Variants in TRNT1 observed in about 807,000 individuals in gnomAD.
The protein encoded by TRNT1 is tRNA nucleotidyl transferase 1.
TRNT1 carries 44 observed loss-of-function variants against 45.6 expected under a neutral mutation model. The ratio of observed to expected loss-of-function variants is 0.97; its 90% confidence interval spans 0.76 to 1.24. The LOEUF (loss-of-function observed/expected upper bound fraction) is 1.24. Ranked by LOEUF, TRNT1 falls within the 50% of genes most tolerant of loss-of-function variation. The probability of loss-of-function intolerance (pLI) is 0.00; values close to 1 mark genes in which losing one functional copy is unlikely to be tolerated. For missense variants in TRNT1, 633 were observed against 504.4 expected (o/e 1.25, Z -2.44); for synonymous variants, 201 against 171.4 (o/e 1.17, Z -1.35).
chr3:3,148,263 C>T lies in TRNT1; in HGVS notation c.*109C>T. The T allele has an allele frequency of 8.3e-7, 1 of 1,197,922 alleles. No individual in the cohort carries two copies. The highest frequency in any genetic ancestry group is 1.2e-6 in the Non-Finnish European group (1 of 855,122). 74.2% of individuals were successfully genotyped at this position (1,197,922 alleles called of 1,614,324 possible). ...CCAGAATAAAAGACAGTTTAGGGGA[C>T]CTCTGTAGAACAACAAGGGTCTTAT... On this transcript the variant is annotated 3_prime_UTR_variant, in exon 8 of 8. Coordinates refer to ENST00000251607, the MANE Select transcript of TRNT1 (RefSeq NM_182916.3).
At chr3:3,130,058 T>G (rs1704911830) in intron 2 of TRNT1, 1 of 1,211,734 alleles carries the variant, frequency 8.3e-7, no homozygotes, top group South Asian at 1.4e-5. Flanking sequence ...TGCCACAGTT[T>G]CATTAGTGTT....
At chr3:3,141,064 T>TC (rs907008045) in intron 4 of TRNT1, among the ~76,000 whole-genome samples, 5 of 152,056 alleles carry the variant, frequency 3.3e-5, no homozygotes, top group African/African-American at 1.2e-4. Context: ...AGAGCGAGAC[T>TC]CCATCTCAAA....
rs1448004471 is a variant in TRNT1 at position 3,137,379 on chromosome 3, AAGG to A, written c.271_273del (p.Glu91del). Reference sequence around the variant, plus strand: ...CACCACTGCTACCCCTACTCAAATGAAGGAGATGTTTCAGTCGGCTGGGATTCG... The same window carrying A: ...CACCACTGCTACCCCTACTCAAATGAAGATGTTTCAGTCGGCTGGGATTCG... On this transcript the variant is annotated inframe_deletion, in exon 3 of 8. Transcript: ENST00000251607. The A allele has an allele frequency of 6.2e-7, 1 of 1,613,958 alleles. No individual in the cohort carries two copies. The highest frequency in any genetic ancestry group is 8.5e-7 in the Non-Finnish European group (1 of 1,179,902).
chr3:3,128,820 G>A (rs1168025820), intron 1 of TRNT1, among the ~76,000 whole-genome samples, 194 bp from the exon 2 acceptor site: 2 of 152,094 alleles, frequency 1.3e-5, no homozygotes, highest in Non-Finnish European at 2.9e-5. Flanking sequence ...GCCACAGTAA[G>A]TGCTTCTGGA....
downstream of TRNT1, chr3:3,151,178 T>C: frequency 2.2e-6 from 2 of 918,004 alleles, no homozygotes; most frequent in Non-Finnish European, 3.3e-6. Context: ...ATTTGATCCA[T>C]ACAGTTCCCT....
chr3:3,144,553 T>G (rs768413630), intron 4 of TRNT1, 31 bp from the exon 5 acceptor site: 5 of 1,560,146 alleles, frequency 3.2e-6, no homozygotes, highest in Non-Finnish European at 4.4e-6. Flanking sequence ...TTGCCAATAG[T>G]GATTTTTCTC....
At chr3:3,150,429 T>C (rs1706439108), downstream of TRNT1, 1 of 158,410 alleles carries the variant, frequency 6.3e-6, no homozygotes, top group Admixed American at 6.2e-5. Flanking sequence ...TCACCCTAGC[T>C]TTTGTTATTT....
intron 4 of TRNT1, among the ~76,000 whole-genome samples, chr3:3,141,331 A>C (rs1705639167): frequency 6.6e-6 from 1 of 152,158 alleles, no homozygotes. Flanking sequence ...TACATACTCC[A>C]CACACATCTA....
intron 5 of TRNT1, among the ~76,000 whole-genome samples, chr3:3,146,061 T>C (rs1203210647): frequency 1.3e-5 from 2 of 151,004 alleles, no homozygotes; most frequent in Admixed American, 6.7e-5. Flanking sequence ...TTTGGTTTGC[T>C]GCCTTTACAA....
At chr3:3,128,583 A>T (rs1704756673) in intron 1 of TRNT1, among the ~76,000 whole-genome samples, 1 of 131,496 alleles carries the variant, frequency 7.6e-6, no homozygotes, top group African/African-American at 3.0e-5. Flanking sequence ...TGAGCGACAG[A>T]GCGAGACTCC....
At chr3:3,149,660 GTAAAAGTAGACC>G (rs1706344477), downstream of TRNT1, 1 of 151,386 alleles carries the variant, frequency 6.6e-6, no homozygotes, top group African/African-American at 2.4e-5. Flanking sequence ...TATTAAAGTA[GTAAAAGTAGACC>G]TTAGAAAAAA....
intron 6 of TRNT1, 53 bp downstream of exon 6, chr3:3,146,676 C>CAGAAAA: frequency 2.8e-6 from 4 of 1,441,968 alleles, no homozygotes; most frequent in Middle Eastern, 1.8e-4. Flanking sequence ...TATCTGGTTT[C>CAGAAAA]AAATTTCATA....
In TRNT1 at chr3:3,146,475, G is replaced by C; in HGVS notation, c.654G>C (p.Glu218Asp). Residue 218 changes from glutamate (E) to aspartate (D), a missense_variant, in exon 6 of 8, where the codon GAG (glutamate) becomes GAC (aspartate). Coordinates refer to ENST00000251607, the MANE Select transcript of TRNT1 (RefSeq NM_182916.3). Reference sequence around the variant, plus strand: ...ACAAACCTGGTGACCATGATCCTGAGACTTTGGAAGCAATTGCAGAAAATG... The same window carrying C: ...ACAAACCTGGTGACCATGATCCTGACACTTTGGAAGCAATTGCAGAAAATG... ...IVDKPGDHDP[E>D]TLEAIAENAK... 1 of 1,613,938 alleles carries C rather than the reference G, an allele frequency of 6.2e-7. No homozygotes were observed. Among genetic ancestry groups the C allele is most frequent in the Non-Finnish European group, 8.5e-7 (1 of 1,179,942 alleles).
At position 3,148,085 on chromosome 3, in the gene TRNT1, A is replaced by G. The variant is rs1006625149; in HGVS notation, c.1236A>G (p.Arg412=). 2.5e-6 allele frequency: 4 copies of G among 1,613,838 alleles called. No homozygotes were observed. Among genetic ancestry groups the G allele is most frequent in the African/African-American group, 2.7e-5 (2 of 74,930 alleles). The part of the protein sequence containing the change: ...KEIGALLQQL[R]EQWKKSGYQM... Reference sequence around the variant, plus strand: ...TTGGGGCTCTATTACAACAGTTGCGAGAACAGTGGAAAAAAAGTGGTTACC... The same window carrying G: ...TTGGGGCTCTATTACAACAGTTGCGGGAACAGTGGAAAAAAAGTGGTTACC... The change falls in exon 8 of 8, where the codon CGA becomes CGG. Residue 412 remains arginine (R), a synonymous_variant. Transcript: ENST00000251607.
At chr3:3,146,666 T>C in intron 6 of TRNT1, 43 bp downstream of exon 6, 1 of 1,483,078 alleles carries the variant, frequency 6.7e-7, no homozygotes, top group Admixed American at 2.3e-5. Flanking sequence ...GGCAGTGAAA[T>C]ATCTGGTTTC....
chr3:3,146,176 C>G (rs575469195), intron 5 of TRNT1, among the ~76,000 whole-genome samples: 1 of 151,310 alleles, frequency 6.6e-6, no homozygotes, highest in East Asian at 1.9e-4. Context: ...AGGTGGAGAC[C>G]TTGAAGTTTT....
intron 2 of TRNT1, among the ~76,000 whole-genome samples, chr3:3,136,252 C>T (rs962998592): frequency 1.3e-5 from 2 of 152,180 alleles, no homozygotes; most frequent in Admixed American, 6.5e-5. Flanking sequence ...TTCTGTACCA[C>T]AGACCCCAGG....
chr3:3,140,605 A>C lies in TRNT1; in HGVS notation c.438A>C (p.Lys146Asn). The change falls in exon 4 of 8, where the codon AAA becomes AAC. Residue 146 changes from lysine to asparagine, a missense_variant. By Grantham distance (94) the Lys-to-Asn change is moderately conservative. Coordinates refer to ENST00000251607, the MANE Select transcript of TRNT1 (RefSeq NM_182916.3). ...AEVEFTTDWQKDAERRDLTIN... is the reference protein window; with the variant it reads ...AEVEFTTDWQNDAERRDLTIN... ...TAGAATTTACAACTGACTGGCAGAA[A>C]GATGCGGAACGCAGAGATCTCACTA... 1 of 1,614,198 alleles carries C rather than the reference A, an allele frequency of 6.2e-7. No homozygotes were observed. The highest frequency in any genetic ancestry group is 1.1e-5 in the South Asian group (1 of 91,090).
Position 3,144,702 on chromosome 3 carries a change from A to G in TRNT1, c.600A>G (p.Arg200=), listed in dbSNP as rs949653305. Residue 200 remains arginine, a synonymous_variant, in exon 5 of 8, where the codon AGA becomes AGG. Coordinates refer to ENST00000251607, the MANE Select transcript of TRNT1 (RefSeq NM_182916.3). ...RIQEDYLRIL[R]YFRFYGRIVD... ...AAGAGGATTATCTTAGAATTTTAAGATACTTCAGGTAAGAATTTTTAAAAA... is the reference window on the plus strand; with the variant it reads ...AAGAGGATTATCTTAGAATTTTAAGGTACTTCAGGTAAGAATTTTTAAAAA... The G allele has an allele frequency of 7.8e-6, 12 of 1,535,696 alleles. No individual in the cohort carries two copies. The highest frequency in any genetic ancestry group is 2.3e-5 in the East Asian group (1 of 43,848).
Sources: gnomAD v4.1 joint callset for allele counts (sites outside exome capture counted in the v4.1 genomes callset) on GRCh38, gnomAD v4.1.1 for gene constraint, MANE v1.5 for transcripts, NCBI Gene and HGNC (gene_info 2026-07-23, HGNC 2026-07-21) for gene names.